SLC8A1: variants seen among roughly 807,000 people sequenced by gnomAD.
SLC8A1 encodes solute carrier family 8 member A1.
SLC8A1 carries 18 observed loss-of-function variants against 68.3 expected under a neutral mutation model. That is an observed-to-expected ratio of 0.26 (90% CI 0.18 to 0.39). SLC8A1 has a LOEUF of 0.39. Ranked by LOEUF, SLC8A1 falls within the 10% of genes least tolerant of loss-of-function variation. The pLI, the probability that SLC8A1 is intolerant of heterozygous loss-of-function variation, is 1.00. For synonymous variants in SLC8A1, 475 were observed against 415.5 expected (o/e 1.14, Z -1.74); for missense variants, 985 against 1,156.7 (o/e 0.85, Z 2.15).
intron 2 of SLC8A1, among the ~76,000 whole-genome samples, chr2:40,203,257 G>A (rs2054750581): frequency 6.6e-6 from 1 of 151,980 alleles, no homozygotes; most frequent in Non-Finnish European, 1.5e-5. Flanking sequence ...TGGAGACACA[G>A]CTTTCATCAG....
intron 2 of SLC8A1, among the ~76,000 whole-genome samples, chr2:40,218,427 A>G (rs1446707378): frequency 6.6e-6 from 1 of 152,216 alleles, no homozygotes; most frequent in Non-Finnish European, 1.5e-5. Flanking sequence ...GTAGGTTAAA[A>G]TTACCATTAC....
intron 2 of SLC8A1, among the ~76,000 whole-genome samples, chr2:40,422,086 G>A (rs899279802): frequency 5.9e-5 from 9 of 151,850 alleles, no homozygotes; most frequent in African/African-American, 1.9e-4. Context: ...ACCCTCAGCG[G>A]GCTCACCCAA....
chr2:40,341,822 A>G (rs571030565), intron 2 of SLC8A1, among the ~76,000 whole-genome samples: 2 of 152,150 alleles, frequency 1.3e-5, no homozygotes, highest in African/African-American at 4.8e-5. Flanking sequence ...AATGGGTCAA[A>G]TTCCATTGCA....
In SLC8A1 at chr2:40,142,923, A is replaced by G. The variant is rs191236162; in HGVS notation, c.2162-3247T>C. 8.1e-4 allele frequency among the ~76,000 whole-genome samples: 123 copies of G among 151,610 alleles called. 2 individuals are homozygous for G. The highest frequency in any genetic ancestry group is 2.9e-3 in the African/African-American group (118 of 41,278). On this transcript the variant is annotated intron_variant, in intron 6 of 7. Transcript: ENST00000406785. ...CCCTCTGAAATTACCTTCATGATCAATTAATGCAAAATGTGTGTGTGAGTG... is the reference window on the plus strand; with the variant it reads ...CCCTCTGAAATTACCTTCATGATCAGTTAATGCAAAATGTGTGTGTGAGTG...
intron 4 of SLC8A1, 44 bp downstream of exon 7, chr2:40,170,237 C>T (rs774730199): frequency 5.1e-6 from 8 of 1,553,872 alleles, no homozygotes; most frequent in Non-Finnish European, 7.1e-6. Context: ...CATTAAAGAA[C>T]TCTGGGAGGC....
At chr2:40,386,899 C>G (rs1219010227) in intron 2 of SLC8A1, among the ~76,000 whole-genome samples, 1 of 151,248 alleles carries the variant, frequency 6.6e-6, no homozygotes, top group African/African-American at 2.5e-5. Flanking sequence ...TGTCTATCTT[C>G]AGTATGTGGT....
In SLC8A1 at chr2:40,484,600, G is replaced by A. The variant is rs551414252; in HGVS notation, c.-25+27749C>T. On this transcript the variant is annotated intron_variant, in intron 1 of 7. Transcript: ENST00000402441. ...GCTTTGAAATTTGAGAGGCTGAAAT[G>A]TGTCTTCTGGAATATGGGGAACAGT... 3.3e-5 allele frequency among the ~76,000 whole-genome samples: 5 copies of A among 152,328 alleles called. No homozygotes were observed. In the South Asian group the frequency reaches 1.0e-3, roughly 32 times the overall value.
At chr2:40,403,150 T>C (rs1193298457) in intron 2 of SLC8A1, among the ~76,000 whole-genome samples, 2 of 152,214 alleles carry the variant, frequency 1.3e-5, no homozygotes, top group Non-Finnish European at 1.5e-5. Flanking sequence ...TTAATCCTCA[T>C]TGAATATGAA....
At chr2:40,350,753 C>T (rs557904409) in intron 2 of SLC8A1, among the ~76,000 whole-genome samples, 11 of 152,122 alleles carry the variant, frequency 7.2e-5, no homozygotes, top group African/African-American at 2.4e-4. Context: ...CTGCCTGGCA[C>T]GTCACTAATC....
intron 2 of SLC8A1, among the ~76,000 whole-genome samples, chr2:40,426,347 C>G (rs970993052): frequency 2.0e-5 from 3 of 151,894 alleles, no homozygotes; most frequent in African/African-American, 7.2e-5. Flanking sequence ...CAATTTTCAC[C>G]AACTCCACCA....
intron 2 of SLC8A1, among the ~76,000 whole-genome samples, chr2:40,292,797 A>T (rs993507491): frequency 3.9e-5 from 6 of 152,174 alleles, no homozygotes; most frequent in Non-Finnish European, 7.3e-5. Flanking sequence ...AATAGTGCTA[A>T]CAGAATAGAA....
intron 2 of SLC8A1, among the ~76,000 whole-genome samples, chr2:40,308,932 T>C (rs13426714): frequency 0.084 from 12,770 of 152,220 alleles, 764 homozygotes; most frequent in African/African-American, 0.17. Context: ...AGAAATAACC[T>C]TGCAAAATAT....
chr2:40,213,606 A>G (rs932413804), intron 2 of SLC8A1: 6 of 152,344 alleles, frequency 3.9e-5, no homozygotes, highest in East Asian at 1.9e-4. Context: ...TTTCTTCACA[A>G]TTATGCTTAA....
intron 2 of SLC8A1, among the ~76,000 whole-genome samples, chr2:40,418,457 G>T (rs1363184156): frequency 6.6e-6 from 1 of 152,030 alleles, no homozygotes; most frequent in Non-Finnish European, 1.5e-5. Flanking sequence ...AATCCGTCTG[G>T]CCTACTTCAA....
chr2:40,342,599 C>T (rs561234431), intron 2 of SLC8A1, among the ~76,000 whole-genome samples: 1 of 152,186 alleles, frequency 6.6e-6, no homozygotes, highest in East Asian at 1.9e-4. Flanking sequence ...CTATTTCCCC[C>T]AGGGGGCCAA....
At chr2:40,390,100 A>T (rs951757817) in intron 2 of SLC8A1, among the ~76,000 whole-genome samples, 65 of 152,100 alleles carry the variant, frequency 4.3e-4, no homozygotes, top group African/African-American at 1.5e-3. Context: ...TTGTAATGGA[A>T]GAAACATTTT....
chr2:40,253,131 ATATATG>A lies in SLC8A1; in HGVS notation c.1809-75282_1809-75277del, dbSNP rs558822408. 1.1e-3 allele frequency among the ~76,000 whole-genome samples: 116 copies of A among 109,868 alleles called. 1 individual carries two copies. Among genetic ancestry groups the A allele is most frequent in the South Asian group, 0.01 (42 of 4,172 alleles). The allele number at this position is 109,868 out of a possible 152,430, so 72.1% of individuals were successfully genotyped here. ...TATACGTGTATACATATATACACGT[ATATATG>A]TATATGTATATACATACATATATAT... is the stretch of plus-strand genomic sequence containing the variant. On this transcript the variant is annotated intron_variant, in intron 2 of 7. Transcript: ENST00000406785.
chr2:40,302,073 G>GT (rs1030014229), intron 2 of SLC8A1, among the ~76,000 whole-genome samples: 7 of 142,758 alleles, frequency 4.9e-5, no homozygotes. Context: ...GTGTGTGTGT[G>GT]TTTAGTAGAG....
At chr2:40,374,488 G>A (rs1321313427) in intron 2 of SLC8A1, among the ~76,000 whole-genome samples, 1 of 151,934 alleles carries the variant, frequency 6.6e-6, no homozygotes, top group Non-Finnish European at 1.5e-5. Flanking sequence ...GTATGTATTT[G>A]GAATTATAAA....
Sources: gnomAD v4.1 joint callset for allele counts (sites outside exome capture counted in the v4.1 genomes callset) on GRCh38, gnomAD v4.1.1 for gene constraint, MANE v1.5 for transcripts, NCBI Gene and HGNC (gene_info 2026-07-23, HGNC 2026-07-21) for gene names.